Variants in CFAP299 observed in about 807,000 individuals in gnomAD.
The protein encoded by CFAP299 is cilia- and flagella-associated protein 299.
Under a neutral mutation model 27.0 loss-of-function variants are expected in CFAP299, and 21 were observed. That is an observed-to-expected ratio of 0.78 (90% CI 0.55 to 1.12). CFAP299 has a LOEUF of 1.12. CFAP299 is among the 50% of genes most tolerant of loss of function. The probability of loss-of-function intolerance (pLI) is 0.00; values close to 1 mark genes in which losing one functional copy is unlikely to be tolerated. For missense variants in CFAP299, 310 were observed against 276.6 expected, an observed-to-expected ratio of 1.12 and a Z score of -0.86; for synonymous variants, 104 against 98.1, an observed-to-expected ratio of 1.06 and a Z score of -0.36.
chr4:80,956,153 T>G (rs1432160303), intron 5 of CFAP299, among the ~76,000 whole-genome samples: 2 of 152,186 alleles, frequency 1.3e-5, no homozygotes, highest in African/African-American at 4.8e-5. Flanking sequence ...TACCCCCACT[T>G]AGGACAGATT....
intron 3 of CFAP299, among the ~76,000 whole-genome samples, chr4:80,589,304 C>T (rs1024599492): frequency 6.6e-6 from 1 of 152,100 alleles, no homozygotes; most frequent in Non-Finnish European, 1.5e-5. Context: ...AGATTCTGGG[C>T]TCATTAACCA....
chr4:80,855,458 A>C (rs1214526413), intron 3 of CFAP299, among the ~76,000 whole-genome samples: 1 of 152,062 alleles, frequency 6.6e-6, no homozygotes, highest in Non-Finnish European at 1.5e-5. Context: ...CACAATGTGC[A>C]GGTTAGTTAC....
At position 80,723,807 on chromosome 4, in the gene CFAP299, G is replaced by A. The variant is rs556332713; in HGVS notation, c.333+140624G>A. ...TATACCAAAGAAACCTAGATAAAAA[G>A]GGAGGAAGTATAAAATGTAAAAGTA... On this transcript the variant is annotated intron_variant, in intron 3 of 5. Transcript: ENST00000358105. Among the ~76,000 whole-genome samples the A allele has an allele frequency of 7.2e-4, 110 of 151,986 alleles. 1 individual carries two copies. Among genetic ancestry groups the A allele is most frequent in the African/African-American group, 2.6e-3 (106 of 41,518 alleles).
chr4:80,691,215 CCAAAG>C (rs1181835841), intron 3 of CFAP299, among the ~76,000 whole-genome samples: 1 of 122,370 alleles, frequency 8.2e-6, no homozygotes, highest in Non-Finnish European at 1.7e-5. Flanking sequence ...CATCCTGATA[CCAAAG>C]CTGGGCAGAG....
intron 3 of CFAP299, among the ~76,000 whole-genome samples, chr4:80,692,484 C>A (rs1045228672): frequency 3.3e-5 from 5 of 152,180 alleles, no homozygotes; most frequent in African/African-American, 1.2e-4. Flanking sequence ...GGAAAACTGG[C>A]TAGCCATATG....
intron 3 of CFAP299, among the ~76,000 whole-genome samples, chr4:80,858,176 T>C (rs1045200174): frequency 1.8e-4 from 27 of 152,238 alleles, no homozygotes; most frequent in African/African-American, 5.8e-4. Flanking sequence ...TTCTTCTAGA[T>C]TGTCTAGTTC....
At chr4:80,877,976 G>A (rs1027261306) in intron 4 of CFAP299, among the ~76,000 whole-genome samples, 26 of 151,838 alleles carry the variant, frequency 1.7e-4, no homozygotes, top group Admixed American at 2.6e-4. Context: ...TTCATCTTGC[G>A]TCTCATGAGT....
upstream of CFAP299, among the ~76,000 whole-genome samples, chr4:80,335,497 TG>T (rs1722085803): frequency 6.6e-6 from 1 of 152,218 alleles, no homozygotes; most frequent in African/African-American, 2.4e-5. Context: ...TTTTTAACTT[TG>T]GATTGCAGTT....
intron 2 of CFAP299, among the ~76,000 whole-genome samples, chr4:80,575,242 T>C (rs895608339): frequency 2.0e-5 from 3 of 152,158 alleles, no homozygotes; most frequent in Admixed American, 6.5e-5. Flanking sequence ...TTCCAATTTA[T>C]TGGCATAGAG....
At chr4:80,659,775 G>GA (rs1244577026) in intron 3 of CFAP299, among the ~76,000 whole-genome samples, 2 of 151,914 alleles carry the variant, frequency 1.3e-5, no homozygotes, top group Non-Finnish European at 2.9e-5. Context: ...TATAAATTAA[G>GA]AAAAATATTT....
At chr4:80,390,787 A>ACATATGTATATGTG (rs1725386547) in intron 2 of CFAP299, among the ~76,000 whole-genome samples, 1 of 144,956 alleles carries the variant, frequency 6.9e-6, no homozygotes, top group East Asian at 2.0e-4. Flanking sequence ...ACATATACAC[A>ACATATGTATATGTG]TATATGTATA....
At chr4:80,938,702 A>G (rs1225170768) in intron 4 of CFAP299, among the ~76,000 whole-genome samples, 1 of 152,144 alleles carries the variant, frequency 6.6e-6, no homozygotes, top group Non-Finnish European at 1.5e-5. Context: ...TGGCCTCGGC[A>G]ATTCTGAATT....
intron 2 of CFAP299, among the ~76,000 whole-genome samples, chr4:80,541,530 T>C (rs922851485): frequency 3.3e-5 from 5 of 152,202 alleles, no homozygotes; most frequent in African/African-American, 9.6e-5. Flanking sequence ...TAATTATCTG[T>C]TTGATGTTTT....
At chr4:80,544,457 C>T (rs1734140027) in intron 2 of CFAP299, among the ~76,000 whole-genome samples, 1 of 152,178 alleles carries the variant, frequency 6.6e-6, no homozygotes, top group Non-Finnish European at 1.5e-5. Flanking sequence ...CAATTGCCTG[C>T]TGTCTTCAAG....
chr4:80,623,708 CAT>C (rs1421330739), intron 3 of CFAP299, among the ~76,000 whole-genome samples: 2 of 152,132 alleles, frequency 1.3e-5, no homozygotes, highest in East Asian at 3.9e-4. Context: ...AGAAAGTGAG[CAT>C]ATAATTTGCC....
At chr4:80,330,168 C>G in the CFAP299 span, among the ~76,000 whole-genome samples, 2 of 152,054 alleles carry the variant, frequency 1.3e-5, no homozygotes, top group East Asian at 3.9e-4. Flanking sequence ...AATTCTTTCC[C>G]CAAAGCTTTC....
chr4:80,808,616 A>G (rs1728984263), intron 3 of CFAP299, among the ~76,000 whole-genome samples: 2 of 152,142 alleles, frequency 1.3e-5, no homozygotes, highest in African/African-American at 2.4e-5. Context: ...TATTGAGTAT[A>G]TAGTGATCCT....
intron 3 of CFAP299, among the ~76,000 whole-genome samples, chr4:80,779,712 C>T (rs1029496539): frequency 6.6e-6 from 1 of 151,984 alleles, no homozygotes. Context: ...TCCTCATGCA[C>T]TGGCATACTA....
the CFAP299 span, among the ~76,000 whole-genome samples, chr4:80,324,418 C>G: frequency 2.0e-5 from 3 of 152,058 alleles, no homozygotes; most frequent in Non-Finnish European, 4.4e-5. Context: ...CTAATTGGCT[C>G]GTAAAACTAC....
Sources: allele counts gnomAD v4.1 joint callset (sites outside exome capture counted in the v4.1 genomes callset), GRCh38; gene constraint gnomAD v4.1.1; transcripts MANE v1.5; gene names NCBI Gene and HGNC (gene_info 2026-07-23, HGNC 2026-07-21).